DTNB: variants seen among roughly 807,000 people sequenced by gnomAD.
The protein encoded by DTNB is dystrobrevin beta.
DTNB carries 63 observed loss-of-function variants against 90.7 expected under a neutral mutation model. The observed-to-expected ratio is 0.69, with a 90% CI of 0.57 to 0.86. DTNB has a LOEUF of 0.86. Ranked by LOEUF, DTNB falls within the 40% of genes least tolerant of loss-of-function variation. The pLI, the probability that DTNB is intolerant of heterozygous loss-of-function variation, is 0.00. For synonymous variants in DTNB, 277 were observed against 286.7 expected, an observed-to-expected ratio of 0.97 and a Z score of 0.34; for missense variants, 744 against 807.1, an observed-to-expected ratio of 0.92 and a Z score of 0.95.
chr2:25,442,987 G>A (rs1167294184), intron 12 of DTNB, among the ~76,000 whole-genome samples: 2 of 152,180 alleles, frequency 1.3e-5, no homozygotes, highest in Non-Finnish European at 2.9e-5. Context: ...AAGCAGTCAG[G>A]CAGGGTAACA....
At chr2:25,644,743 A>G (rs2079076079) in intron 2 of DTNB, among the ~76,000 whole-genome samples, 1 of 152,200 alleles carries the variant, frequency 6.6e-6, no homozygotes, top group Non-Finnish European at 1.5e-5. Context: ...TGGGTGACAA[A>G]GCGAGATTCT....
intron 12 of DTNB, among the ~76,000 whole-genome samples, chr2:25,440,201 G>A (rs1433604837): frequency 3.3e-5 from 5 of 152,298 alleles, no homozygotes; most frequent in South Asian, 2.1e-4. Context: ...CACAGCTTGC[G>A]TGCTTAACAA....
At chr2:25,448,035 T>C (rs868319775) in intron 12 of DTNB, among the ~76,000 whole-genome samples, 14 of 152,294 alleles carry the variant, frequency 9.2e-5, no homozygotes, top group South Asian at 2.1e-4. Flanking sequence ...TCCTAGGAAA[T>C]TGAATTCTCT....
chr2:25,522,503 C>T (rs1191839982), intron 9 of DTNB, among the ~76,000 whole-genome samples: 4 of 151,964 alleles, frequency 2.6e-5, no homozygotes, highest in African/African-American at 7.3e-5. Context: ...AGGAATTCGG[C>T]GGAGAACAAG....
At chr2:25,653,431 T>TAA (rs1483891735) in intron 1 of DTNB, among the ~76,000 whole-genome samples, 6 of 147,174 alleles carry the variant, frequency 4.1e-5, no homozygotes, top group African/African-American at 1.5e-4. Flanking sequence ...CGTTTTTTTT[T>TAA]TAAAAAAAAA....
At chr2:25,612,776 T>C (rs1463981329) in intron 4 of DTNB, among the ~76,000 whole-genome samples, 2 of 144,638 alleles carry the variant, frequency 1.4e-5, no homozygotes, top group Non-Finnish European at 3.1e-5. Context: ...ATAAAGATTA[T>C]TTAAAAACCT....
At chr2:25,562,660 G>C (rs1313170645) in intron 8 of DTNB, among the ~76,000 whole-genome samples, 1 of 152,050 alleles carries the variant, frequency 6.6e-6, no homozygotes, top group Non-Finnish European at 1.5e-5. Flanking sequence ...TTTTTGATTT[G>C]TGTTTCCCTC....
chr2:25,591,779 G>A (rs550457107), intron 6 of DTNB, among the ~76,000 whole-genome samples: 44 of 151,992 alleles, frequency 2.9e-4, no homozygotes, highest in African/African-American at 1.0e-3. Context: ...TGCCCATCCC[G>A]GCCAGGTGCA....
intron 8 of DTNB, among the ~76,000 whole-genome samples, chr2:25,553,541 C>T (rs562586852): frequency 3.6e-3 from 550 of 151,770 alleles, no homozygotes; most frequent in African/African-American, 0.012. Flanking sequence ...AGTTTGAGAC[C>T]AGCCTGGCCA....
At chr2:25,430,616 A>G (rs2149929597) in intron 14 of DTNB, among the ~76,000 whole-genome samples, 1 of 152,312 alleles carries the variant, frequency 6.6e-6, no homozygotes, top group South Asian at 2.1e-4. Context: ...AAGCAAAACT[A>G]AACAGCTTAT....
intron 15 of DTNB, among the ~76,000 whole-genome samples, chr2:25,421,770 G>A (rs538240795): frequency 2.2e-4 from 34 of 152,324 alleles, no homozygotes; most frequent in Non-Finnish European, 4.1e-4. Flanking sequence ...AGAGAACACT[G>A]CTGTGGCTCA....
intron 9 of DTNB, among the ~76,000 whole-genome samples, chr2:25,526,362 AATATATATATAT>A (rs1273988960): frequency 1.8e-4 from 18 of 99,816 alleles, no homozygotes; most frequent in Non-Finnish European, 3.1e-4. Context: ...AATATATATA[AATATATATATAT>A]ATATATATAT....
At chr2:25,386,900 T>A (rs557504015) in intron 18 of DTNB, among the ~76,000 whole-genome samples, 50 of 152,298 alleles carry the variant, frequency 3.3e-4, no homozygotes, top group African/African-American at 1.1e-3. Context: ...TCCTGGCTGA[T>A]TCCGCTCCAG....
At chr2:25,502,418 A>T (rs766899090) in intron 9 of DTNB, among the ~76,000 whole-genome samples, 5 of 152,138 alleles carry the variant, frequency 3.3e-5, no homozygotes, top group Non-Finnish European at 7.4e-5. Flanking sequence ...CAACCATTAG[A>T]CAAGAAAAAG....
intron 10 of DTNB, among the ~76,000 whole-genome samples, chr2:25,464,597 G>A (rs1454468550): frequency 6.6e-6 from 1 of 152,170 alleles, no homozygotes; most frequent in Non-Finnish European, 1.5e-5. Context: ...CCTCACCCCT[G>A]CCCTTGAGTA....
At chr2:25,652,753 A>C in intron 1 of DTNB, 92 bp from the exon 2 acceptor site, 1 of 1,356,898 alleles carries the variant, frequency 7.4e-7, no homozygotes, top group Non-Finnish European at 1.0e-6. Context: ...ACCGGAAACC[A>C]AGTTGCAAAT....
intron 5 of DTNB, among the ~76,000 whole-genome samples, chr2:25,600,773 T>C (rs1463246799): frequency 1.3e-5 from 2 of 152,046 alleles, no homozygotes; most frequent in African/African-American, 2.4e-5. Flanking sequence ...TCATTCAGAG[T>C]AATAAAAAGG....
intron 12 of DTNB, among the ~76,000 whole-genome samples, chr2:25,437,910 A>C (rs991683728): frequency 6.6e-5 from 10 of 152,244 alleles, no homozygotes; most frequent in Admixed American, 4.6e-4. Flanking sequence ...AGAAACCCAA[A>C]AAATAAATAT....
chr2:25,507,758 C>T (rs1161462766), intron 9 of DTNB, among the ~76,000 whole-genome samples: 1 of 152,190 alleles, frequency 6.6e-6, no homozygotes, highest in Non-Finnish European at 1.5e-5. Flanking sequence ...CAAACACATC[C>T]TCTTGTCACT....
Sources: allele counts gnomAD v4.1 joint callset (sites outside exome capture counted in the v4.1 genomes callset), GRCh38; gene constraint gnomAD v4.1.1; transcripts MANE v1.5; gene names NCBI Gene and HGNC (gene_info 2026-07-23, HGNC 2026-07-21).